PIP5K1B: variants seen among roughly 807,000 people sequenced by gnomAD.
PIP5K1B encodes phosphatidylinositol-4-phosphate 5-kinase type 1 beta, also known as phosphatidylinositol 4-phosphate 5-kinase type-1 beta.
In PIP5K1B, 42 loss-of-function variants were observed where a neutral mutation model predicts 67.0. The ratio of observed to expected loss-of-function variants is 0.63; its 90% confidence interval spans 0.49 to 0.81. The LOEUF is 0.81. PIP5K1B is among the 30% of genes least tolerant of loss of function. The pLI, the probability that PIP5K1B is intolerant of heterozygous loss-of-function variation, is 0.00. For missense variants in PIP5K1B, 459 were observed against 646.3 expected (o/e 0.71, Z 3.14); for synonymous variants, 214 against 231.4 (o/e 0.92, Z 0.68).
chr9:68,858,968 A>G (rs1822919217), intron 4 of PIP5K1B, among the ~76,000 whole-genome samples: 1 of 152,194 alleles, frequency 6.6e-6, no homozygotes. Context: ...CATCATTATT[A>G]TCTCATTGTT....
At chr9:68,787,550 TC>T (rs1240291468) in intron 2 of PIP5K1B, among the ~76,000 whole-genome samples, 1 of 152,214 alleles carries the variant, frequency 6.6e-6, no homozygotes, top group Non-Finnish European at 1.5e-5. Flanking sequence ...TGTTTCCTCC[TC>T]CTTCTCCTGC....
chr9:68,984,019 C>T (rs2132908691), intron 14 of PIP5K1B, among the ~76,000 whole-genome samples: 1 of 152,328 alleles, frequency 6.6e-6, no homozygotes, highest in Admixed American at 6.5e-5. Context: ...TGCAACACTG[C>T]ACTCCAGCCT....
intron 2 of PIP5K1B, among the ~76,000 whole-genome samples, chr9:68,810,355 G>A (rs908127133): frequency 3.3e-5 from 5 of 152,258 alleles, no homozygotes; most frequent in African/African-American, 7.2e-5. Context: ...ATTCATAATC[G>A]AAGAGAAGTG....
chr9:68,926,148 G>A (rs984561379), intron 12 of PIP5K1B, among the ~76,000 whole-genome samples: 29 of 152,140 alleles, frequency 1.9e-4, no homozygotes, highest in African/African-American at 6.5e-4. Context: ...CCTGTGCCAA[G>A]GTTGGAAAAA....
intron 1 of PIP5K1B, among the ~76,000 whole-genome samples, chr9:68,708,586 A>G (rs919333530): frequency 5.5e-5 from 8 of 146,046 alleles, no homozygotes; most frequent in Non-Finnish European, 1.0e-4. Context: ...GCTGAAAGAT[A>G]CATTCCTAGA....
intron 2 of PIP5K1B, chr9:68,788,214 G>A (rs1452030415): frequency 3.0e-6 from 1 of 337,146 alleles, no homozygotes; most frequent in Non-Finnish European, 5.5e-6. Flanking sequence ...GTGGGCCCAG[G>A]AGGGGACTGT....
intron 2 of PIP5K1B, chr9:68,780,937 C>A (rs1448500972): frequency 6.2e-7 from 1 of 1,614,028 alleles, no homozygotes; most frequent in African/African-American, 1.3e-5. Context: ...TGTAACTCAC[C>A]AGCGAAAGTC....
intron 14 of PIP5K1B, among the ~76,000 whole-genome samples, chr9:68,988,815 T>G (rs901459014): frequency 1.3e-5 from 2 of 151,912 alleles, no homozygotes; most frequent in Non-Finnish European, 2.9e-5. Context: ...CTACACAATT[T>G]GTTGCGCATG....
intron 5 of PIP5K1B, among the ~76,000 whole-genome samples, chr9:68,868,717 T>C (rs752893801): frequency 8.5e-5 from 13 of 152,186 alleles, no homozygotes; most frequent in Non-Finnish European, 1.5e-4. Flanking sequence ...TACCTGGAGG[T>C]GGCAAAAATG....
intron 2 of PIP5K1B, among the ~76,000 whole-genome samples, chr9:68,773,030 A>G (rs578154712): frequency 1.3e-5 from 2 of 152,298 alleles, no homozygotes; most frequent in African/African-American, 4.8e-5. Context: ...GACTTGCCCA[A>G]AGTCCCACTG....
chr9:68,770,281 T>G (rs553192287), intron 2 of PIP5K1B, among the ~76,000 whole-genome samples: 8 of 152,318 alleles, frequency 5.3e-5, no homozygotes, highest in African/African-American at 1.9e-4. Context: ...AGCCTCCGAC[T>G]TCATTATACC....
At chr9:69,000,839 A>G (rs1830791001) in intron 15 of PIP5K1B, among the ~76,000 whole-genome samples, 1 of 151,986 alleles carries the variant, frequency 6.6e-6, no homozygotes, top group Admixed American at 6.6e-5. Context: ...GTTTTTGTAA[A>G]GGAAAATGCC....
intron 2 of PIP5K1B, among the ~76,000 whole-genome samples, chr9:68,747,628 A>G (rs1829386844): frequency 6.6e-6 from 1 of 152,182 alleles, no homozygotes. Flanking sequence ...TTGGCATAAT[A>G]TAGCTTCTTT....
At chr9:68,939,164 A>G (rs182439037) in intron 13 of PIP5K1B, among the ~76,000 whole-genome samples, 3 of 152,332 alleles carry the variant, frequency 2.0e-5, no homozygotes, top group African/African-American at 7.2e-5. Context: ...TGGCTTTAGA[A>G]AAAAGCATAT....
chr9:68,912,535 TTG>T (rs1825905503), intron 8 of PIP5K1B, among the ~76,000 whole-genome samples: 1 of 152,332 alleles, frequency 6.6e-6, no homozygotes, highest in African/African-American at 2.4e-5. Flanking sequence ...TGAGTGCTTT[TTG>T]TGTGCCTAAG....
At chr9:68,719,541 C>T (rs1437312658) in intron 1 of PIP5K1B, among the ~76,000 whole-genome samples, 4 of 152,118 alleles carry the variant, frequency 2.6e-5, no homozygotes, top group South Asian at 2.1e-4. Context: ...AAAGAAGCAA[C>T]GGTGTCATTG....
intron 2 of PIP5K1B, among the ~76,000 whole-genome samples, chr9:68,807,207 T>A (rs1832918239): frequency 6.6e-6 from 1 of 152,188 alleles, no homozygotes; most frequent in Admixed American, 6.5e-5. Context: ...CATGTTTGAG[T>A]AAATGAATAC....
In PIP5K1B at chr9:68,968,566, A is replaced by G. The variant is rs370912829; in HGVS notation, c.1503-22574A>G. ...ATAAAAATTAGTTGTATTTTCACAC[A>G]GTTGTGAAACATAGTATCTACAGAT... On this transcript the variant is annotated intron_variant, in intron 14 of 15. Transcript: ENST00000265382. 2.9e-3 allele frequency among the ~76,000 whole-genome samples: 434 copies of G among 151,998 alleles called. 3 individuals carry two copies. The highest frequency in any genetic ancestry group is 6.8e-3 in the Middle Eastern group (2 of 294).
chr9:68,919,819 C>A, intron 11 of PIP5K1B, 90 bp downstream of exon 11: 1 of 709,992 alleles, frequency 1.4e-6, no homozygotes, highest in Non-Finnish European at 2.4e-6. Flanking sequence ...TTGCTAGACT[C>A]TAAGAGGAAA....
Sources: allele counts gnomAD v4.1 joint callset (sites outside exome capture counted in the v4.1 genomes callset), GRCh38; gene constraint gnomAD v4.1.1; transcripts MANE v1.5; gene names NCBI Gene and HGNC (gene_info 2026-07-23, HGNC 2026-07-21).